Variants in SYTL1 observed in about 807,000 individuals in gnomAD.
SYTL1 encodes synaptotagmin like 1.
Under a neutral mutation model 74.6 loss-of-function variants are expected in SYTL1, and 53 were observed. That is an observed-to-expected ratio of 0.71 (90% CI 0.57 to 0.89). SYTL1 has a LOEUF of 0.89. Among genes scored for constraint, SYTL1 ranks in the 40% least tolerant of loss-of-function variants. SYTL1 has a pLI of 0.00. For missense variants in SYTL1, 728 were observed against 768.7 expected (o/e 0.95, Z 0.63); for synonymous variants, 329 against 324.9 (o/e 1.01, Z -0.14).
Position 27,353,354 on chromosome 1 carries a change from T to G in SYTL1, c.1415T>G (p.Val472Gly). Residue 472 changes from valine (V) to glycine (G), a missense_variant, in exon 14 of 15, where the codon GTG (valine) becomes GGG (glycine). Transcript: ENST00000616558. Reference protein sequence around the residue: ...TRVVRRSLSPVFNHTMVYDGF... With the variant: ...TRVVRRSLSPGFNHTMVYDGF... ...GTTGTGCGACGCAGCCTCAGCCCTGTGTTCAATCACACCATGGTGTACGAT... is the reference window on the plus strand; with the variant it reads ...GTTGTGCGACGCAGCCTCAGCCCTGGGTTCAATCACACCATGGTGTACGAT... 2.5e-6 allele frequency: 4 copies of G among 1,611,188 alleles called. No individual in the cohort carries two copies. The highest frequency in any genetic ancestry group is 3.4e-6 in the Non-Finnish European group (4 of 1,179,030).
Position 27,345,007 on chromosome 1 carries a change from G to C in SYTL1, c.-38-290G>C, listed in dbSNP as rs1164932107. On this transcript the variant is annotated intron_variant, in intron 1 of 14. Transcript: ENST00000616558. This position sits in a 1 kb window ranked among gnomAD's most constrained non-coding sequence, Gnocchi z 6.0. Reference sequence around the variant, plus strand: ...GTGCGACCATATCTATGCCTACATGGACCCGCGTGTGCACATGTGTCTGTG... The same window carrying C: ...GTGCGACCATATCTATGCCTACATGCACCCGCGTGTGCACATGTGTCTGTG... The C allele has an allele frequency of 9.7e-6, 2 of 205,268 alleles. No homozygotes were observed. Among genetic ancestry groups the C allele is most frequent in the African/African-American group, 4.6e-5 (2 of 43,296 alleles). The allele number at this position is 205,268 out of a possible 1,614,324, so 12.7% of individuals were successfully genotyped here.
Position 27,350,858 on chromosome 1 carries a change from G to C in SYTL1, c.1070G>C (p.Ser357Thr), listed in dbSNP as rs1251516079. The change falls in exon 11 of 15, where the codon AGC becomes ACC. Residue 357 changes from serine (S) to threonine (T), a missense_variant. Transcript: ENST00000616558. The surrounding 1 kb of genome is among the most constrained non-coding windows in gnomAD (Gnocchi z 6.3). The part of the protein sequence containing the change: ...VLSLSVWHRE[S>T]LGRNIFLGEV... ...AGCCTGTCTGTGTGGCACCGCGAAA[G>C]CCTGGGTCGCAACATCTTTCTGGGC... The C allele has an allele frequency of 6.2e-7, 1 of 1,613,864 alleles. No individual in the cohort carries two copies. Among genetic ancestry groups the C allele is most frequent in the South Asian group, 1.1e-5 (1 of 91,082 alleles).
intron 14 of SYTL1, 101 bp downstream of exon 14, chr1:27,353,589 G>T: frequency 6.5e-7 from 1 of 1,533,594 alleles, no homozygotes; most frequent in South Asian, 1.2e-5. Context: ...CCTGAGCTTT[G>T]ATATCTACTG....
At chr1:27,353,567 T>C in intron 14 of SYTL1, 79 bp downstream of exon 14, 1 of 1,535,790 alleles carries the variant, frequency 6.5e-7, no homozygotes, top group Non-Finnish European at 8.8e-7. Context: ...CCTGGATACC[T>C]CTCTGTCCTT....
In SYTL1 at chr1:27,349,734, G is replaced by T; in HGVS notation, c.716G>T (p.Ser239Ile). ...TCTCTCGACCGCATGCTCAGCAGCAGCTCCTCGGTGTCCAGCCTTAACTCC... is the reference window on the plus strand; with the variant it reads ...TCTCTCGACCGCATGCTCAGCAGCATCTCCTCGGTGTCCAGCCTTAACTCC... ...DPSLDRMLSS[S>I]SSVSSLNSST... Residue 239 changes from serine to isoleucine, a missense_variant, in exon 8 of 15, where the codon AGC (serine) becomes ATC (isoleucine). Ser to Ile is a moderately radical substitution (Grantham distance 142). Coordinates refer to ENST00000616558, the MANE Select transcript of SYTL1 (RefSeq NM_001193308.2). 6.2e-7 allele frequency: 1 copy of T among 1,608,174 alleles called. No individual in the cohort carries two copies.
At position 27,342,441 on chromosome 1, in the gene SYTL1, T is replaced by C; in HGVS notation, c.-39+291T>C. 2 of 584,368 alleles carry C rather than the reference T, an allele frequency of 3.4e-6. No homozygotes were observed. Among genetic ancestry groups the C allele is most frequent in the Non-Finnish European group, 4.3e-6 (2 of 463,762 alleles). 36.2% of individuals were successfully genotyped at this position (584,368 alleles called of 1,614,324 possible). ...GGCACTGCTGAGGACGCTGGGCTGA[T>C]GCCCATGGCCCAGCTCAGGCAGGCC... On this transcript the variant is annotated intron_variant, in intron 1 of 14. Coordinates refer to ENST00000616558, the MANE Select transcript of SYTL1 (RefSeq NM_001193308.2). This position sits in a 1 kb window ranked among gnomAD's most constrained non-coding sequence, Gnocchi z 4.7.
At position 27,345,427 on chromosome 1, in the gene SYTL1, G is replaced by A. The variant is rs1197664002; in HGVS notation, c.93G>A (p.Leu31=). The A allele has an allele frequency of 1.3e-6, 2 of 1,562,874 alleles. No homozygotes were observed. Among genetic ancestry groups the A allele is most frequent in the Non-Finnish European group, 1.7e-6 (2 of 1,152,634 alleles). The change falls in exon 2 of 15, where the codon CTG becomes CTA. Residue 31 remains leucine (L), a synonymous_variant. Transcript: ENST00000616558. This position sits in a 1 kb window ranked among gnomAD's most constrained non-coding sequence, Gnocchi z 6.0. The stretch of plus-strand genomic sequence containing the variant: ...GGCCAAAGCCTGAGACTGAAGGACT[G>A]TTGGACCTCAGCTTCCTGACAGAGG... ...AHGPKPETEG[L]LDLSFLTEEE...
Position 27,348,758 on chromosome 1 carries a change from A to G in SYTL1, c.460-322A>G, listed in dbSNP as rs2015107191. On this transcript the variant is annotated intron_variant, in intron 5 of 14. Transcript: ENST00000616558. This position sits in a 1 kb window ranked among gnomAD's most constrained non-coding sequence, Gnocchi z 4.1. Reference sequence around the variant, plus strand: ...AAAAAAAGAAAAAAGGTTGTCTACCAATGGGTCAATATAAAAAATAAAAAT... The same window carrying G: ...AAAAAAAGAAAAAAGGTTGTCTACCGATGGGTCAATATAAAAAATAAAAAT... 6.6e-6 allele frequency among the ~76,000 whole-genome samples: 1 copy of G among 152,164 alleles called. No homozygotes were observed. The highest frequency in any genetic ancestry group is 6.5e-5 in the Admixed American group (1 of 15,272).
In SYTL1 at chr1:27,350,331, A is replaced by AG. The variant is rs2015209819; in HGVS notation, c.909-56dup. The AG allele has an allele frequency of 3.9e-6, 6 of 1,544,180 alleles. No homozygotes were observed. In the East Asian group the frequency reaches 1.3e-4, roughly 35 times the overall value. ...CGGGATGGTGGCTGGGGGAGCCCAC[A>AG]GGCAGGGGAGAAGGCTCTGGGAGGG... On this transcript the variant is annotated intron_variant, in intron 9 of 14. Coordinates refer to ENST00000616558, the MANE Select transcript of SYTL1 (RefSeq NM_001193308.2). The surrounding 1 kb of genome is among the most constrained non-coding windows in gnomAD (Gnocchi z 6.3).
rs1473464913 is a variant in SYTL1, at chr1:27,353,311, A to C, written c.1372A>C (p.Ser458Arg). The stretch of plus-strand genomic sequence containing the variant: ...CGTGCTGCCTGATGACAGCCAGGCC[A>C]GCCGCCAGCGTACAAGGGTTGTGCG... Reference protein sequence around the residue: ...CFVLPDDSQASRQRTRVVRRS... With the variant: ...CFVLPDDSQARRQRTRVVRRS... The change falls in exon 14 of 15, where the codon AGC becomes CGC. Residue 458 changes from serine (S) to arginine (R), a missense_variant. Transcript: ENST00000616558. The C allele has an allele frequency of 6.2e-7, 1 of 1,603,136 alleles. No homozygotes were observed. Among genetic ancestry groups the C allele is most frequent in the East Asian group, 2.3e-5 (1 of 44,316 alleles).
chr1:27,349,421 G>T lies in SYTL1; in HGVS notation c.556G>T (p.Val186Phe). Reference sequence around the variant, plus strand: ...AGATCCTGGCCAAGGAGACCAACAGGTCTGTGCCGAGGAGGCTGACCCGGA... The same window carrying T: ...AGATCCTGGCCAAGGAGACCAACAGTTCTGTGCCGAGGAGGCTGACCCGGA... Reference protein sequence around the residue: ...QEDPGQGDQQVCAEEADPELE... With the variant: ...QEDPGQGDQQFCAEEADPELE... The change falls in exon 7 of 15, where the codon GTC (valine) becomes TTC (phenylalanine). Residue 186 changes from valine to phenylalanine, a missense_variant. Coordinates refer to ENST00000616558, the MANE Select transcript of SYTL1 (RefSeq NM_001193308.2). The T allele has an allele frequency of 6.9e-7, 1 of 1,452,794 alleles. No individual in the cohort carries two copies. Among genetic ancestry groups the T allele is most frequent in the South Asian group, 1.5e-5 (1 of 68,026 alleles). The allele number at this position is 1,452,794 out of a possible 1,614,324, so 90.0% of individuals were successfully genotyped here.
rs771964675 is a variant in SYTL1, at chr1:27,348,035, G to A, written c.459+23G>A. The A allele has an allele frequency of 4.3e-6, 7 of 1,612,714 alleles. No homozygotes were observed. The highest frequency in any genetic ancestry group is 5.9e-6 in the Non-Finnish European group (7 of 1,178,782). ...GAGGTAAGTGAATGAGCCAACATGT[G>A]AGTACAGTGTCCCTGGAGGGGAGGT... On this transcript the variant is annotated intron_variant, in intron 5 of 14. Transcript: ENST00000616558. The surrounding 1 kb of genome is among the most constrained non-coding windows in gnomAD (Gnocchi z 4.1).
Position 27,348,777 on chromosome 1 carries a change from TAAAAATAA to T in SYTL1, c.460-297_460-290del, listed in dbSNP as rs2015108300. ...TCTACCAATGGGTCAATATAAAAAA[TAAAAATAA>T]AAAAAGGAGTGAGAAAGGAATGGGA... On this transcript the variant is annotated intron_variant, in intron 5 of 14. Coordinates refer to ENST00000616558, the MANE Select transcript of SYTL1 (RefSeq NM_001193308.2). The surrounding 1 kb of genome is among the most constrained non-coding windows in gnomAD (Gnocchi z 4.1). Among the ~76,000 whole-genome samples the T allele has an allele frequency of 6.6e-6, 1 of 150,940 alleles. No individual in the cohort carries two copies. Among genetic ancestry groups the T allele is most frequent in the Non-Finnish European group, 1.5e-5 (1 of 67,558 alleles).
At position 27,345,369 on chromosome 1, in the gene SYTL1, T is replaced by G. The variant is rs2014952408; in HGVS notation, c.35T>G (p.Leu12Arg). The change falls in exon 2 of 15, where the codon CTT (leucine) becomes CGT (arginine). Residue 12 changes from leucine to arginine, a missense_variant. Coordinates refer to ENST00000616558, the MANE Select transcript of SYTL1 (RefSeq NM_001193308.2). The surrounding 1 kb of genome is among the most constrained non-coding windows in gnomAD (Gnocchi z 6.0). Reference protein sequence around the residue: ...PQRGHPSQEGLWALPSLPMAH... With the variant: ...PQRGHPSQEGRWALPSLPMAH... ...AGGGGCCACCCATCGCAAGAGGGGC[T>G]TTGGGCTCTGCCCTCCCTCCCCATG... is the stretch of plus-strand genomic sequence containing the variant. 1 of 1,548,626 alleles carries G rather than the reference T, an allele frequency of 6.5e-7. No individual in the cohort carries two copies.
rs991547757 is a variant in SYTL1 at position 27,343,330 on chromosome 1, G to A, written c.-39+1180G>A. On this transcript the variant is annotated intron_variant, in intron 1 of 14. Transcript: ENST00000616558. The surrounding 1 kb of genome is among the most constrained non-coding windows in gnomAD (Gnocchi z 5.2). ...GCCTCCACCGCCGGGACCCCAGCCT[G>A]GTCTGGGGAGAACTGTGTGGCCAGA... is the stretch of plus-strand genomic sequence containing the variant. 6.6e-6 allele frequency: 1 copy of A among 152,454 alleles called. No individual in the cohort carries two copies. Among genetic ancestry groups the A allele is most frequent in the African/African-American group, 2.4e-5 (1 of 41,464 alleles). 9.4% of individuals were successfully genotyped at this position (152,454 alleles called of 1,614,324 possible). A position where few individuals can be genotyped will look rare whatever the true frequency, so the allele number is the denominator to read the frequency against.
At chr1:27,349,887 A>G in intron 8 of SYTL1, 85 bp from the exon 9 acceptor site, 1 of 1,538,158 alleles carries the variant, frequency 6.5e-7, no homozygotes, top group Non-Finnish European at 8.7e-7. Context: ...GCCACCTATG[A>G]CCCGGGTCTG....
Position 27,347,864 on chromosome 1 carries a change from G to A in SYTL1, c.397G>A (p.Glu133Lys). Residue 133 changes from glutamate to lysine, a missense_variant, in exon 4 of 15, where the codon GAG becomes AAG. By Grantham distance (56) the Glu-to-Lys change is moderately conservative. Coordinates refer to ENST00000616558, the MANE Select transcript of SYTL1 (RefSeq NM_001193308.2). This position sits in a 1 kb window ranked among gnomAD's most constrained non-coding sequence, Gnocchi z 4.9. The stretch of plus-strand genomic sequence containing the variant: ...TGAGGCTGCTGTGAAAGAGAAGGAA[G>A]AGGGGCCAGAGCCCAGGTGAGGAGG... ...EAEAAVKEKEEGPEPRLTIDE... is the reference protein window; with the variant it reads ...EAEAAVKEKEKGPEPRLTIDE... 6.2e-7 allele frequency: 1 copy of A among 1,614,112 alleles called. No homozygotes were observed. The highest frequency in any genetic ancestry group is 8.5e-7 in the Non-Finnish European group (1 of 1,179,988).
chr1:27,353,589 G>A, intron 14 of SYTL1, 101 bp downstream of exon 14: 2 of 1,533,594 alleles, frequency 1.3e-6, no homozygotes, highest in Non-Finnish European at 8.9e-7. Flanking sequence ...CCTGAGCTTT[G>A]ATATCTACTG....
chr1:27,353,179 AG>A (rs1266516534), intron 13 of SYTL1, 103 bp from the exon 14 acceptor site: 4 of 1,194,232 alleles, frequency 3.3e-6, no homozygotes, highest in Non-Finnish European at 4.8e-6. Context: ...GGCAGGAGCC[AG>A]GGGACATGGA....
Sources: gnomAD v4.1 joint callset for allele counts (sites outside exome capture counted in the v4.1 genomes callset) on GRCh38, gnomAD v4.1.1 for gene constraint, Gnocchi (gnomAD v3.1) non-coding constraint, MANE v1.5 for transcripts, NCBI Gene and HGNC (gene_info 2026-07-23, HGNC 2026-07-21) for gene names.